The following ABCB4 variants were observed in gnomAD, a reference collection of about 807,000 sequenced individuals.
ABCB4 encodes the protein ATP binding cassette subfamily B member 4.
Under a neutral mutation model 145.7 loss-of-function variants are expected in ABCB4, and 76 were observed. The observed-to-expected ratio is 0.52, with a 90% CI of 0.43 to 0.63. The LOEUF (loss-of-function observed/expected upper bound fraction) is 0.63, where lower values mean the gene tolerates loss of function less well. ABCB4 is among the 30% of genes least tolerant of loss of function. The pLI, the probability that ABCB4 is intolerant of heterozygous loss-of-function variation, is 0.00. For missense variants in ABCB4, 1,234 were observed against 1,553.1 expected (o/e 0.79, Z 3.45); for synonymous variants, 517 against 566.8 (o/e 0.91, Z 1.25).
chr7:87,409,230 A>G lies in ABCB4; in HGVS notation c.3081+6T>C, dbSNP rs1254453763. The G allele has an allele frequency of 1.2e-6, 2 of 1,614,022 alleles. No individual in the cohort carries two copies. The highest frequency in any genetic ancestry group is 8.5e-7 in the Non-Finnish European group (1 of 1,179,952). On this transcript the variant is annotated splice_donor_region_variant and intron_variant, in intron 24 of 27. Transcript: ENST00000649586. Reference sequence around the variant, plus strand: ...ATCAAGCATCATCAGGCATCAGAGAACTTACAGGCTTCAGCCCCTCTTCAC... The same window carrying G: ...ATCAAGCATCATCAGGCATCAGAGAGCTTACAGGCTTCAGCCCCTCTTCAC...
chr7:87,411,411 G>C (rs1437347994), intron 23 of ABCB4, among the ~76,000 whole-genome samples: 1 of 152,158 alleles, frequency 6.6e-6, no homozygotes, highest in African/African-American at 2.4e-5. Flanking sequence ...AAAAGGAGAG[G>C]CTGAGAGGCA....
At chr7:87,409,462 G>T (rs570920879) in intron 23 of ABCB4, 70 bp from the exon 24 acceptor site, 1 of 1,500,256 alleles carries the variant, frequency 6.7e-7, no homozygotes, top group East Asian at 2.3e-5. Context: ...AAGTCTAAAG[G>T]TATAGTGCTT....
intron 21 of ABCB4, among the ~76,000 whole-genome samples, chr7:87,414,306 C>T (rs191560579): frequency 6.4e-4 from 98 of 152,258 alleles, no homozygotes; most frequent in African/African-American, 2.1e-3. Flanking sequence ...AAGTTTGAAC[C>T]GTGAGGCCCT....
the ABCB4 span, among the ~76,000 whole-genome samples, chr7:87,373,373 G>A: frequency 4.8e-4 from 73 of 151,854 alleles, no homozygotes; most frequent in Middle Eastern, 6.8e-3. Flanking sequence ...CCTAGGCTTG[G>A]CTTTTCACTT....
downstream of ABCB4, among the ~76,000 whole-genome samples, chr7:87,397,073 G>C (rs1807549799): frequency 6.6e-6 from 1 of 152,038 alleles, no homozygotes; most frequent in South Asian, 2.1e-4. Context: ...AATTCTGTAG[G>C]CTAGGCATGG....
chr7:87,372,007 C>CAAAAAAAAAAA, the ABCB4 span, among the ~76,000 whole-genome samples: 1 of 124,000 alleles, frequency 8.1e-6, no homozygotes, highest in Non-Finnish European at 1.7e-5. Context: ...AAAAAAAAAA[C>CAAAAAAAAAAA]AAAAAAAAAA....
rs45484901 is a variant in ABCB4, at chr7:87,408,353, G to A, written c.3082-119C>T. 6,602 of 1,062,598 alleles carry A rather than the reference G, an allele frequency of 6.2e-3. 257 individuals carry two copies. The African/African-American group carries it at 0.09, about 14-fold the overall frequency. 65.8% of individuals were successfully genotyped at this position (1,062,598 alleles called of 1,614,324 possible). Reference sequence around the variant, plus strand: ...TAGAGAAACATAAAATTCATATTTGGTATAGTTCTGGTGCCAGTTAATATT... The same window carrying A: ...TAGAGAAACATAAAATTCATATTTGATATAGTTCTGGTGCCAGTTAATATT... On this transcript the variant is annotated intron_variant, in intron 24 of 27. Coordinates refer to ENST00000649586, the MANE Select transcript of ABCB4 (RefSeq NM_000443.4).
chr7:87,447,955 C>G (rs1404811476), intron 8 of ABCB4, among the ~76,000 whole-genome samples: 1 of 152,182 alleles, frequency 6.6e-6, no homozygotes, highest in Non-Finnish European at 1.5e-5. Flanking sequence ...GATCATTTCT[C>G]TTACTATTAT....
intron 14 of ABCB4, among the ~76,000 whole-genome samples, chr7:87,434,828 C>T (rs935997275): frequency 2.6e-5 from 4 of 152,184 alleles, no homozygotes; most frequent in African/African-American, 9.7e-5. Context: ...TTTATTTAGC[C>T]TCTACTATGT....
the ABCB4 span, among the ~76,000 whole-genome samples, chr7:87,384,068 A>G: frequency 6.6e-6 from 1 of 151,942 alleles, no homozygotes; most frequent in Admixed American, 6.6e-5. Context: ...TTTTCTCCAC[A>G]TCTTTGCTAG....
chr7:87,371,043 C>T, the ABCB4 span, among the ~76,000 whole-genome samples: 10 of 152,184 alleles, frequency 6.6e-5, no homozygotes, highest in African/African-American at 2.4e-4. Context: ...TTCTATTAAA[C>T]ACATCTTCCT....
chr7:87,457,889 C>CT (rs1554411670), intron 4 of ABCB4, among the ~76,000 whole-genome samples: 1 of 151,446 alleles, frequency 6.6e-6, no homozygotes, highest in Non-Finnish European at 1.5e-5. Flanking sequence ...CCCAAGACTT[C>CT]TTTTTTTTTC....
At chr7:87,412,294 A>G (rs1392592147) in intron 22 of ABCB4, among the ~76,000 whole-genome samples, 1 of 152,220 alleles carries the variant, frequency 6.6e-6, no homozygotes, top group Non-Finnish European at 1.5e-5. Context: ...AACTGATATT[A>G]TTACATATTA....
the ABCB4 span, chr7:87,377,314 A>G: frequency 7.6e-7 from 1 of 1,321,864 alleles, no homozygotes. Context: ...CCAATATTAA[A>G]CCCTTTTAAT....
At chr7:87,370,019 GT>G in the ABCB4 span, among the ~76,000 whole-genome samples, 1 of 151,904 alleles carries the variant, frequency 6.6e-6, no homozygotes, top group Non-Finnish European at 1.5e-5. Flanking sequence ...AGTCAATGCT[GT>G]TTCAACTATA....
chr7:87,369,355 G>A, the ABCB4 span: 2 of 1,552,832 alleles, frequency 1.3e-6, no homozygotes, highest in Middle Eastern at 1.7e-4. Flanking sequence ...TGAGTCTTGT[G>A]TTTTCTGTTT....
chr7:87,464,350 G>T (rs899068400), intron 3 of ABCB4, among the ~76,000 whole-genome samples: 2 of 152,188 alleles, frequency 1.3e-5, no homozygotes, highest in African/African-American at 4.8e-5. Context: ...ACCAGGCAGA[G>T]CTTGGATAAA....
intron 4 of ABCB4, among the ~76,000 whole-genome samples, chr7:87,460,067 TTCCTATACAGTCATTG>T (rs1430199083): frequency 9.9e-5 from 15 of 152,072 alleles, no homozygotes; most frequent in Non-Finnish European, 1.9e-4. Flanking sequence ...CTGGTGTAAG[TTCCTATACAGTCATTG>T]TCCTGCTACT....
chr7:87,452,790 A>G (rs1444627246), intron 6 of ABCB4, 154 bp downstream of exon 6: 2 of 868,338 alleles, frequency 2.3e-6, no homozygotes, highest in Non-Finnish European at 3.6e-6. Context: ...GGCATAGGCT[A>G]TAGATGCTGC....
Sources: allele counts gnomAD v4.1 joint callset (sites outside exome capture counted in the v4.1 genomes callset), GRCh38; gene constraint gnomAD v4.1.1; transcripts MANE v1.5; gene names NCBI Gene and HGNC (gene_info 2026-07-23, HGNC 2026-07-21).